Variants in SYT1 observed in about 807,000 individuals in gnomAD.
SYT1 encodes the protein synaptotagmin 1, also known as synaptotagmin-1.
In SYT1, 8 loss-of-function variants were observed where a neutral mutation model predicts 44.8. That is an observed-to-expected ratio of 0.18 (90% CI 0.10 to 0.32). The LOEUF (loss-of-function observed/expected upper bound fraction) is 0.32. Among genes scored for constraint, SYT1 ranks in the 10% least tolerant of loss-of-function variants. SYT1 has a pLI of 1.00. For synonymous variants in SYT1, 154 were observed against 188.8 expected (o/e 0.82, Z 1.51); for missense variants, 286 against 509.3 (o/e 0.56, Z 4.22).
chr12:78,877,829 A>G (rs1270899157), intron 1 of SYT1, among the ~76,000 whole-genome samples: 2 of 151,692 alleles, frequency 1.3e-5, no homozygotes, highest in African/African-American at 4.8e-5. Context: ...GGGTCTCACT[A>G]TGTTGCCCAG....
chr12:79,076,060 C>A (rs953980332), intron 3 of SYT1, among the ~76,000 whole-genome samples: 1 of 151,930 alleles, frequency 6.6e-6, no homozygotes, highest in South Asian at 2.1e-4. Context: ...AACACAGGAA[C>A]CTTCAGAAGT....
intron 3 of SYT1, among the ~76,000 whole-genome samples, chr12:79,080,309 A>G (rs1876943712): frequency 6.6e-6 from 1 of 152,130 alleles, no homozygotes; most frequent in Non-Finnish European, 1.5e-5. Flanking sequence ...CATATTTGGG[A>G]CATCTGGATA....
intron 5 of SYT1, among the ~76,000 whole-genome samples, chr12:79,288,614 A>G (rs563149059): frequency 1.3e-5 from 2 of 152,308 alleles, no homozygotes; most frequent in African/African-American, 4.8e-5. Context: ...CAAAAAGTAT[A>G]GACATTTATG....
intron 8 of SYT1, among the ~76,000 whole-genome samples, chr12:79,328,032 A>C (rs935271584): frequency 6.6e-6 from 1 of 152,094 alleles, no homozygotes; most frequent in African/African-American, 2.4e-5. Context: ...GGCAGGGAGG[A>C]TATTAAAGCT....
intron 3 of SYT1, among the ~76,000 whole-genome samples, chr12:79,135,075 A>T (rs1869098592): frequency 6.6e-6 from 1 of 152,148 alleles, no homozygotes; most frequent in Admixed American, 6.6e-5. Context: ...GTACTAAAAT[A>T]TCATGTTGTA....
At chr12:78,873,276 C>G (rs962317182) in intron 1 of SYT1, among the ~76,000 whole-genome samples, 2 of 151,658 alleles carry the variant, frequency 1.3e-5, no homozygotes, top group Admixed American at 1.3e-4. Context: ...TTTTGTAATT[C>G]TCTTACTATG....
intron 4 of SYT1, among the ~76,000 whole-genome samples, chr12:79,241,151 A>G (rs1245802): frequency 0.73 from 111,290 of 152,126 alleles, 41,496 homozygotes; most frequent in African/African-American, 0.85. Context: ...TTCAGCCTGA[A>G]CAACAGAGTG....
chr12:79,217,800 C>T, intron 4 of SYT1, 115 bp downstream of exon 4: 1 of 786,674 alleles, frequency 1.3e-6, no homozygotes, highest in East Asian at 3.2e-5. Context: ...TAATTTATTA[C>T]TATGGGAATG....
At chr12:79,040,868 T>G (rs1247574049) in intron 2 of SYT1, among the ~76,000 whole-genome samples, 1 of 150,558 alleles carries the variant, frequency 6.6e-6, no homozygotes, top group East Asian at 1.9e-4. Flanking sequence ...CAGCACCATT[T>G]ATTAAATAGG....
chr12:79,211,630 C>G (rs371743533), intron 3 of SYT1, among the ~76,000 whole-genome samples: 3 of 144,292 alleles, frequency 2.1e-5, no homozygotes, highest in African/African-American at 7.7e-5. Context: ...GTGATATTCC[C>G]CTTCCTGTGT....
intron 9 of SYT1, among the ~76,000 whole-genome samples, chr12:79,373,597 CACATCA>C (rs1284155165): frequency 2.0e-5 from 3 of 151,976 alleles, no homozygotes; most frequent in Non-Finnish European, 4.4e-5. Context: ...TATAGATGGT[CACATCA>C]AAAAAATGCC....
intron 3 of SYT1, among the ~76,000 whole-genome samples, chr12:79,066,596 A>ATT (rs2137877712): frequency 6.6e-6 from 1 of 152,258 alleles, no homozygotes; most frequent in Non-Finnish European, 1.5e-5. Context: ...CCTTGCAGTA[A>ATT]ATATTGTGAA....
chr12:78,940,723 G>T (rs538250116), intron 1 of SYT1, among the ~76,000 whole-genome samples: 14 of 152,154 alleles, frequency 9.2e-5, no homozygotes, highest in Admixed American at 1.3e-4. Context: ...AAATTACTTT[G>T]CAACATAAAT....
chr12:78,949,651 T>C (rs1021699591), intron 1 of SYT1, among the ~76,000 whole-genome samples: 1 of 151,958 alleles, frequency 6.6e-6, no homozygotes, highest in Non-Finnish European at 1.5e-5. Context: ...AAACTTCCCC[T>C]AAAAGAAGAG....
chr12:79,042,453 T>C (rs1873659279), intron 2 of SYT1, among the ~76,000 whole-genome samples: 2 of 148,124 alleles, frequency 1.4e-5, no homozygotes, highest in South Asian at 4.3e-4. Context: ...TTTGTATTTC[T>C]GTGGGATCGG....
At chr12:78,956,633 A>C (rs1879233485) in intron 1 of SYT1, among the ~76,000 whole-genome samples, 1 of 152,036 alleles carries the variant, frequency 6.6e-6, no homozygotes, top group African/African-American at 2.4e-5. Context: ...ATTTGTGCAG[A>C]GGTTCTGTAT....
chr12:79,176,181 T>C lies in SYT1; in HGVS notation c.-17-41322T>C, dbSNP rs140426676. Among the ~76,000 whole-genome samples the C allele has an allele frequency of 3.9e-3, 586 of 151,756 alleles. 8 individuals are homozygous for C. Among genetic ancestry groups the C allele is most frequent in the African/African-American group, 0.014 (573 of 41,410 alleles). ...GGTGCATGCCTGGAATCCCAGCTAC[T>C]TGGGAGGCTGAGGCAGGAGAATCAC... On this transcript the variant is annotated intron_variant, in intron 3 of 10. Transcript: ENST00000261205.
intron 9 of SYT1, among the ~76,000 whole-genome samples, chr12:79,358,732 C>T (rs753908935): frequency 6.6e-6 from 1 of 152,158 alleles, no homozygotes; most frequent in African/African-American, 2.4e-5. Flanking sequence ...GATTCCTCAG[C>T]TCTAACCTGC....
At chr12:79,363,628 G>A (rs1021629593) in intron 9 of SYT1, among the ~76,000 whole-genome samples, 3 of 151,654 alleles carry the variant, frequency 2.0e-5, no homozygotes, top group African/African-American at 7.3e-5. Context: ...CCAGCTACAT[G>A]GGAAGCTGAG....
Sources: gnomAD v4.1 joint callset for allele counts (sites outside exome capture counted in the v4.1 genomes callset) on GRCh38, gnomAD v4.1.1 for gene constraint, MANE v1.5 for transcripts, NCBI Gene and HGNC (gene_info 2026-07-23, HGNC 2026-07-21) for gene names.